Variants in SLC35E2B observed in about 807,000 individuals in gnomAD.
SLC35E2B encodes the protein solute carrier family 35 member E2B, also known as solute carrier family 35, member E2B.
A neutral mutation model predicts 32.4 loss-of-function variants in SLC35E2B; 18 were observed. That is an observed-to-expected ratio of 0.56 (90% confidence interval 0.38 to 0.82). The LOEUF is 0.82. Ranked by LOEUF, SLC35E2B falls within the 40% of genes least tolerant of loss-of-function variation. The pLI, the probability that SLC35E2B is intolerant of heterozygous loss-of-function variation, is 0.00. For synonymous variants in SLC35E2B, 132 were observed against 209.1 expected (o/e 0.63, Z 3.18); for missense variants, 263 against 469.5 (o/e 0.56, Z 4.06).
intron 8 of SLC35E2B, among the ~76,000 whole-genome samples, chr1:1,668,777 G>A (rs1295514080): frequency 2.6e-5 from 4 of 152,150 alleles, no homozygotes; most frequent in Admixed American, 2.6e-4. Flanking sequence ...AAACCCCAAT[G>A]CGGGGCCGGG....
In SLC35E2B at chr1:1,665,771, G is replaced by A. The variant is rs937000631; in HGVS notation, c.*11C>T. The stretch of plus-strand genomic sequence containing the variant: ...GTCACGAGGACAGCAGCAGCTGGCA[G>A]CTTCCTGCTCTCAGGGATGCTGCCT... On this transcript the variant is annotated 3_prime_UTR_variant, in exon 10 of 10. Coordinates refer to ENST00000617444, the MANE Select transcript of SLC35E2B (RefSeq NM_001290264.2). 5.2e-6 allele frequency: 8 copies of A among 1,548,518 alleles called. No individual in the cohort carries two copies. In the Admixed American group the frequency reaches 1.6e-4, roughly 30 times the overall value.
intron 4 of SLC35E2B, 111 bp from the exon 5 acceptor site, chr1:1,675,701 C>T: frequency 6.5e-6 from 6 of 924,128 alleles, no homozygotes; most frequent in East Asian, 5.5e-5. Context: ...GGCCCCTCTC[C>T]GCCCACCTCC....
chr1:1,689,944 G>A (rs1351296679), intron 2 of SLC35E2B, among the ~76,000 whole-genome samples: 4 of 148,140 alleles, frequency 2.7e-5, no homozygotes, highest in African/African-American at 5.0e-5. Context: ...CCCAGACTGC[G>A]CCGCTGCACT....
At chr1:1,678,203 TTA>T (rs1222745536) in intron 2 of SLC35E2B, among the ~76,000 whole-genome samples, 1 of 152,110 alleles carries the variant, frequency 6.6e-6, no homozygotes, top group Admixed American at 6.6e-5. Context: ...CCTTCTGTGT[TTA>T]TGTTTATGCA....
chr1:1,666,942 T>A (rs1237815436), intron 9 of SLC35E2B, among the ~76,000 whole-genome samples: 2 of 148,912 alleles, frequency 1.3e-5, no homozygotes, highest in African/African-American at 5.0e-5. Flanking sequence ...CCGTCTCCAC[T>A]AAAAATACAA....
chr1:1,669,977 T>G (rs1643644829), intron 7 of SLC35E2B, 121 bp downstream of exon 7: 3 of 1,013,060 alleles, frequency 3.0e-6, no homozygotes, highest in Non-Finnish European at 4.5e-6. Context: ...AGGGTACTTG[T>G]AAAGGCCACC....
rs1643692110 is a variant in SLC35E2B, at chr1:1,671,554, T to C, written c.662A>G (p.Asn221Ser). Reference protein sequence around the residue: ...ALCTATEISFNVLGFSAALST... With the variant: ...ALCTATEISFSVLGFSAALST... ...CAGTGCGGCCGAGAACCCCAGGACA[T>C]TGAAGCTGATCTCAGTGGCCGTGCA... Residue 221 changes from asparagine (N) to serine (S), a missense_variant, in exon 6 of 10, where the codon AAT becomes AGT. Asn to Ser is a conservative substitution (Grantham distance 46). Transcript: ENST00000617444. The C allele has an allele frequency of 1.9e-6, 3 of 1,549,458 alleles. No individual in the cohort carries two copies. The highest frequency in any genetic ancestry group is 1.4e-5 in the African/African-American group (1 of 72,902).
intron 5 of SLC35E2B, among the ~76,000 whole-genome samples, chr1:1,674,639 A>AAC: frequency 6.6e-6 from 1 of 150,574 alleles, no homozygotes; most frequent in Non-Finnish European, 1.5e-5. Context: ...AAAACAAAAA[A>AAC]AAAAAAACAA....
chr1:1,672,913 T>G (rs1643736429), intron 5 of SLC35E2B: 1 of 153,254 alleles, frequency 6.5e-6, no homozygotes, highest in Non-Finnish European at 1.5e-5. Context: ...GGTATCAAGA[T>G]TTTCTCATTG....
At chr1:1,675,328 A>G in intron 5 of SLC35E2B, 135 bp downstream of exon 5, 1 of 714,568 alleles carries the variant, frequency 1.4e-6, no homozygotes. Flanking sequence ...AGAGAAGTGA[A>G]GGCACTGCCA....
chr1:1,664,531 T>C lies in SLC35E2B; in HGVS notation c.*1251A>G, dbSNP rs1241799453. 14 of 913,706 alleles carry C rather than the reference T, an allele frequency of 1.5e-5. 1 individual carries two copies. The Middle Eastern group carries it at 2.2e-3, about 143-fold the overall frequency. The allele number at this position is 913,706 out of a possible 1,614,324, so 56.6% of individuals were successfully genotyped here. A position where few individuals can be genotyped will look rare whatever the true frequency, so the allele number is the denominator to read the frequency against. ...AATCCGCCAGCTGCGAGATTGGGGG[T>C]AAAGAGCTCAGACATGGTCAGAAGC... On this transcript the variant is annotated 3_prime_UTR_variant, in exon 10 of 10. Coordinates refer to ENST00000617444, the MANE Select transcript of SLC35E2B (RefSeq NM_001290264.2).
chr1:1,670,703 G>A (rs1222122787), intron 6 of SLC35E2B: 1 of 152,762 alleles, frequency 6.5e-6, no homozygotes. Context: ...TTACAGGCGT[G>A]AGCCACTGTG....
chr1:1,681,590 C>G (rs1643900085), intron 2 of SLC35E2B, among the ~76,000 whole-genome samples: 1 of 150,178 alleles, frequency 6.7e-6, no homozygotes, highest in Non-Finnish European at 1.5e-5. Flanking sequence ...CACCGTAGCC[C>G]CCACTTCTTG....
At chr1:1,680,362 A>G (rs1643890189) in intron 2 of SLC35E2B, among the ~76,000 whole-genome samples, 1 of 152,198 alleles carries the variant, frequency 6.6e-6, no homozygotes, top group South Asian at 2.1e-4. Flanking sequence ...GACTGCAAAC[A>G]AAGGCCTCTC....
chr1:1,671,815 C>T (rs1324505296), intron 5 of SLC35E2B, among the ~76,000 whole-genome samples, 186 bp from the exon 6 acceptor site: 6 of 152,154 alleles, frequency 3.9e-5, no homozygotes, highest in Admixed American at 2.6e-4. Flanking sequence ...AAATAAGTCC[C>T]GTCCCCACGG....
In SLC35E2B at chr1:1,671,531, G is replaced by A. The variant is rs760671002; in HGVS notation, c.685C>T (p.Leu229=). 27 of 1,548,298 alleles carry A rather than the reference G, an allele frequency of 1.7e-5. 1 individual carries two copies. The highest frequency in any genetic ancestry group is 2.1e-5 in the Non-Finnish European group (24 of 1,145,536). The change falls in exon 6 of 10, where the codon CTG becomes TTG. Residue 229 remains leucine (L), a synonymous_variant. Coordinates refer to ENST00000617444, the MANE Select transcript of SLC35E2B (RefSeq NM_001290264.2). The part of the protein sequence containing the change: ...SFNVLGFSAA[L]STNIMDCLQN... Reference sequence around the variant, plus strand: ...CACCAGTCCATGATGTTGGTGGACAGTGCGGCCGAGAACCCCAGGACATTG... The same window carrying A: ...CACCAGTCCATGATGTTGGTGGACAATGCGGCCGAGAACCCCAGGACATTG...
intron 1 of SLC35E2B, among the ~76,000 whole-genome samples, 173 bp downstream of exon 1, chr1:1,692,276 C>T (rs575249230): frequency 0.017 from 2,421 of 142,698 alleles, 18 homozygotes; most frequent in Non-Finnish European, 0.025. Flanking sequence ...CCAGCGTTTT[C>T]CGCGCACAGC....
chr1:1,678,589 C>G (rs1317614532), intron 2 of SLC35E2B, among the ~76,000 whole-genome samples: 2 of 152,124 alleles, frequency 1.3e-5, no homozygotes, highest in Admixed American at 1.3e-4. Flanking sequence ...ACAGCTGCCT[C>G]CAAGGGCACC....
chr1:1,692,516 G>A lies in SLC35E2B; in HGVS notation c.-633C>T, dbSNP rs1644027288. On this transcript the variant is annotated 5_prime_UTR_variant, in exon 1 of 10. Transcript: ENST00000617444. ...CCCGGCGCCTTCACAACAAAGGGAC[G>A]CTGGCGGGCGGGGCCTGAGAGGCGC... The A allele has an allele frequency of 1.0e-6, 1 of 985,428 alleles. No homozygotes were observed. Among genetic ancestry groups the A allele is most frequent in the African/African-American group, 1.8e-5 (1 of 56,658 alleles). The allele number at this position is 985,428 out of a possible 1,614,324, so 61.0% of individuals were successfully genotyped here. A position where few individuals can be genotyped will look rare whatever the true frequency, so the allele number is the denominator to read the frequency against.
Sources: gnomAD v4.1 joint callset for allele counts (sites outside exome capture counted in the v4.1 genomes callset) on GRCh38, gnomAD v4.1.1 for gene constraint, MANE v1.5 for transcripts, NCBI Gene and HGNC (gene_info 2026-07-23, HGNC 2026-07-21) for gene names.